MBD5: variants seen among roughly 807,000 people sequenced by gnomAD.
MBD5 encodes methyl-CpG binding domain protein 5.
Under a neutral mutation model 117.3 loss-of-function variants are expected in MBD5, and 13 were observed. That is an observed-to-expected ratio of 0.11 (90% confidence interval 0.07 to 0.18). MBD5 has a LOEUF of 0.18. Among genes scored for constraint, MBD5 ranks in the 10% least tolerant of loss-of-function variants. The pLI is 1.00. For synonymous variants in MBD5, 727 were observed against 766.4 expected (o/e 0.95, Z 0.85); for missense variants, 1,879 against 2,093.8 (o/e 0.90, Z 2.00).
intron 2 of MBD5, among the ~76,000 whole-genome samples, chr2:148,187,640 A>T (rs1698698433): frequency 6.6e-6 from 1 of 152,180 alleles, no homozygotes; most frequent in Non-Finnish European, 1.5e-5. Flanking sequence ...AGATAATGGA[A>T]TGAGATCGGT....
At chr2:148,351,383 T>C (rs1271086470) in intron 4 of MBD5, among the ~76,000 whole-genome samples, 1 of 152,080 alleles carries the variant, frequency 6.6e-6, no homozygotes, top group Non-Finnish European at 1.5e-5. Context: ...TGTGACCGGC[T>C]TGATTTACTT....
At chr2:148,238,539 A>T (rs1450596401) in intron 3 of MBD5, among the ~76,000 whole-genome samples, 1 of 152,220 alleles carries the variant, frequency 6.6e-6, no homozygotes, top group East Asian at 1.9e-4. Flanking sequence ...AAAAAGAAAC[A>T]GATAATTTTG....
chr2:148,084,840 A>C lies in MBD5; in HGVS notation c.-925+63156A>C, dbSNP rs147560153. 1.4e-4 allele frequency among the ~76,000 whole-genome samples: 21 copies of C among 151,990 alleles called. No homozygotes were observed. The East Asian group carries it at 2.1e-3, about 15-fold the overall frequency. Reference sequence around the variant, plus strand: ...ATTTGCCCACATTCTTAAGAAATCCACTCCCTAACTCTGTACCTCTGGCTA... The same window carrying C: ...ATTTGCCCACATTCTTAAGAAATCCCCTCCCTAACTCTGTACCTCTGGCTA... On this transcript the variant is annotated intron_variant, in intron 1 of 13. Coordinates refer to ENST00000642680, the MANE Select transcript of MBD5 (RefSeq NM_001378120.1).
intron 1 of MBD5, among the ~76,000 whole-genome samples, chr2:148,174,161 T>C (rs1370665490): frequency 6.6e-6 from 1 of 152,176 alleles, no homozygotes; most frequent in African/African-American, 2.4e-5. Context: ...GCATGTATGG[T>C]CAATTGATTT....
At chr2:148,385,462 A>T (rs1704321814) in intron 4 of MBD5, among the ~76,000 whole-genome samples, 1 of 152,096 alleles carries the variant, frequency 6.6e-6, no homozygotes, top group Non-Finnish European at 1.5e-5. Context: ...AGGAAACAAC[A>T]TGTGCTGGAG....
At chr2:148,489,296 C>A in intron 10 of MBD5, 90 bp from the exon 11 acceptor site, 3 of 1,494,610 alleles carry the variant, frequency 2.0e-6, no homozygotes, top group Non-Finnish European at 2.8e-6. Flanking sequence ...ATTTGTTTGT[C>A]TTTTGGTAAA....
At position 148,489,968 on chromosome 2, in the gene MBD5, G is replaced by A. The variant is rs1219291357; in HGVS notation, c.4336G>A (p.Glu1446Lys). The A allele has an allele frequency of 5.0e-6, 8 of 1,614,028 alleles. No homozygotes were observed. Among genetic ancestry groups the A allele is most frequent in the East Asian group, 2.2e-5 (1 of 44,880 alleles). The change falls in exon 11 of 14, where the codon GAG becomes AAG. Residue 1446 changes from glutamate to lysine, a missense_variant. This residue lies in a region of MBD5 where 1,666 missense variants were observed against 1,792.2 expected (regional missense o/e 0.93). Transcript: ENST00000642680. Reference protein sequence around the residue: ...PRGERNRWKYEEFLDHPGHIH... With the variant: ...PRGERNRWKYKEFLDHPGHIH... ...AGGGGAGCGAAACAGGTGGAAGTAC[G>A]AGGAATTTTTAGATCATCCAGGCCA...
intron 1 of MBD5, among the ~76,000 whole-genome samples, chr2:148,045,614 T>C (rs1412209194): frequency 6.6e-6 from 1 of 152,202 alleles, no homozygotes; most frequent in Non-Finnish European, 1.5e-5. Context: ...CTCGAGGTTA[T>C]ACAGAATGTG....
At chr2:148,480,080 A>G (rs1371666429) in intron 8 of MBD5, among the ~76,000 whole-genome samples, 2 of 151,958 alleles carry the variant, frequency 1.3e-5, no homozygotes, top group Non-Finnish European at 1.5e-5. Flanking sequence ...GTTCTATTCT[A>G]TTGTCCAGCA....
At chr2:148,389,425 T>A (rs1704498512) in intron 4 of MBD5, among the ~76,000 whole-genome samples, 1 of 150,996 alleles carries the variant, frequency 6.6e-6, no homozygotes, top group Admixed American at 6.6e-5. Flanking sequence ...ATGAAATGAT[T>A]TATTTTACTT....
Position 148,089,920 on chromosome 2 carries a change from TAAAC to T in MBD5, c.-925+68240_-925+68243del, listed in dbSNP as rs572116708. ...ATAAAAAGCCAGTTATTTGAAAAGATAAACAAAATTGATAGACCATTAATAAGAT... is the reference window on the plus strand; with the variant it reads ...ATAAAAAGCCAGTTATTTGAAAAGATAAAATTGATAGACCATTAATAAGAT... On this transcript the variant is annotated intron_variant, in intron 1 of 13. Transcript: ENST00000642680. 5.3e-5 allele frequency among the ~76,000 whole-genome samples: 8 copies of T among 152,042 alleles called. No individual in the cohort carries two copies. The South Asian group carries it at 8.3e-4, about 16-fold the overall frequency.
At chr2:148,294,177 A>G (rs898500001) in intron 3 of MBD5, among the ~76,000 whole-genome samples, 4 of 147,808 alleles carry the variant, frequency 2.7e-5, no homozygotes, top group Non-Finnish European at 5.9e-5. Flanking sequence ...TTTTTGAAAT[A>G]GAGTTTGGCC....
chr2:148,240,020 T>C (rs1700179259), intron 3 of MBD5, among the ~76,000 whole-genome samples: 1 of 152,176 alleles, frequency 6.6e-6, no homozygotes, highest in African/African-American at 2.4e-5. Flanking sequence ...CCAACTCAAA[T>C]GTCCATCAGT....
chr2:148,226,026 T>C (rs1391123601), intron 2 of MBD5, among the ~76,000 whole-genome samples: 1 of 152,126 alleles, frequency 6.6e-6, no homozygotes, highest in Admixed American at 6.6e-5. Flanking sequence ...TGCTATTCAT[T>C]TGAGTAAACT....
At chr2:148,363,527 G>A (rs147174472) in intron 4 of MBD5, among the ~76,000 whole-genome samples, 1,581 of 152,072 alleles carry the variant, frequency 0.01, 30 homozygotes, top group African/African-American at 0.036. Context: ...GCCACCACAC[G>A]CAGCCTCTGA....
At chr2:148,109,552 T>C (rs1182444675) in intron 1 of MBD5, among the ~76,000 whole-genome samples, 1 of 152,120 alleles carries the variant, frequency 6.6e-6, no homozygotes, top group Non-Finnish European at 1.5e-5. Flanking sequence ...GAAAAAGAGA[T>C]GATTGCAAAT....
At chr2:148,218,666 A>G (rs1012573082) in intron 2 of MBD5, among the ~76,000 whole-genome samples, 1 of 152,214 alleles carries the variant, frequency 6.6e-6, no homozygotes, top group African/African-American at 2.4e-5. Flanking sequence ...GGTATAGCCT[A>G]TTGCTCCTAG....
chr2:148,270,031 T>A (rs2106337576), intron 3 of MBD5, among the ~76,000 whole-genome samples: 2 of 152,262 alleles, frequency 1.3e-5, no homozygotes, highest in East Asian at 3.9e-4. Context: ...CTCCTCTTGT[T>A]CATGGATGCA....
At chr2:148,140,426 T>C (rs558397112) in intron 1 of MBD5, among the ~76,000 whole-genome samples, 1 of 152,314 alleles carries the variant, frequency 6.6e-6, no homozygotes, top group South Asian at 2.1e-4. Context: ...ACCACTTTTT[T>C]TGGTAAGTTT....
Sources: allele counts gnomAD v4.1 joint callset (sites outside exome capture counted in the v4.1 genomes callset), GRCh38; gene constraint gnomAD v4.1.1; regional missense constraint gnomAD v4.1.1; transcripts MANE v1.5; gene names NCBI Gene and HGNC (gene_info 2026-07-23, HGNC 2026-07-21).